Variants in NALF1 observed in about 807,000 individuals in gnomAD.
NALF1 encodes the protein family with sequence similarity 155 member A.
A neutral mutation model predicts 48.4 loss-of-function variants in NALF1; 3 were observed. The observed-to-expected ratio is 0.06, with a 90% CI of 0.03 to 0.16. The LOEUF is 0.16. Among genes scored for constraint, NALF1 ranks in the 10% least tolerant of loss-of-function variants. The pLI is 1.00. For synonymous variants in NALF1, 262 were observed against 245.7 expected, an observed-to-expected ratio of 1.07 and a Z score of -0.62; for missense variants, 526 against 571.5, an observed-to-expected ratio of 0.92 and a Z score of 0.81.
At chr13:107,594,709 T>C (rs1226416738) in intron 1 of NALF1, among the ~76,000 whole-genome samples, 2 of 152,076 alleles carry the variant, frequency 1.3e-5, no homozygotes, top group African/African-American at 2.4e-5. Context: ...AGTATTTGAG[T>C]GACCCAAAAT....
intron 1 of NALF1, among the ~76,000 whole-genome samples, chr13:107,697,052 A>AT (rs1328597585): frequency 1.3e-5 from 2 of 152,170 alleles, no homozygotes; most frequent in Non-Finnish European, 2.9e-5. Flanking sequence ...ATTACAAGGC[A>AT]TAAAAAAAAC....
chr13:107,785,449 T>C (rs571891069), intron 1 of NALF1, among the ~76,000 whole-genome samples: 1 of 152,266 alleles, frequency 6.6e-6, no homozygotes, highest in South Asian at 2.1e-4. Flanking sequence ...GTAACTCAGG[T>C]ATGGAAAGCC....
chr13:107,302,284 T>C (rs1881852814), intron 1 of NALF1, among the ~76,000 whole-genome samples: 2 of 152,156 alleles, frequency 1.3e-5, no homozygotes, highest in Admixed American at 6.5e-5. Context: ...CTGTAAGAAA[T>C]CAATTCCTTT....
At chr13:107,222,319 T>C (rs1290123342) in intron 1 of NALF1, among the ~76,000 whole-genome samples, 1 of 152,344 alleles carries the variant, frequency 6.6e-6, no homozygotes, top group Non-Finnish European at 1.5e-5. Flanking sequence ...CTAACTTGTA[T>C]ATGTTTTAAT....
intron 1 of NALF1, among the ~76,000 whole-genome samples, chr13:107,297,211 G>A (rs1289436244): frequency 6.6e-6 from 1 of 152,016 alleles, no homozygotes; most frequent in Non-Finnish European, 1.5e-5. Context: ...CTAAATGGTA[G>A]GCTCTGTGGG....
chr13:107,795,907 A>AT (rs934481671), intron 1 of NALF1, among the ~76,000 whole-genome samples: 47 of 152,218 alleles, frequency 3.1e-4, no homozygotes, highest in African/African-American at 6.0e-4. Context: ...TTAAACATAC[A>AT]TTTTTTCTTT....
At chr13:107,661,356 C>T (rs1352500477) in intron 1 of NALF1, among the ~76,000 whole-genome samples, 1 of 152,182 alleles carries the variant, frequency 6.6e-6, no homozygotes, top group African/African-American at 2.4e-5. Context: ...ATCTATAAAG[C>T]ATATGCCTTA....
chr13:107,801,546 C>G (rs1256637393), intron 1 of NALF1, among the ~76,000 whole-genome samples: 2 of 152,088 alleles, frequency 1.3e-5, no homozygotes, highest in Non-Finnish European at 2.9e-5. Flanking sequence ...TTTGGTAGAG[C>G]CTTGGCAGCT....
intron 1 of NALF1, among the ~76,000 whole-genome samples, chr13:107,259,070 G>A (rs886777785): frequency 1.3e-5 from 2 of 151,948 alleles, no homozygotes; most frequent in Admixed American, 1.3e-4. Context: ...ACATTTCCAC[G>A]ATTACATCTC....
rs559505314 is a variant in NALF1 at position 107,264,586 on chromosome 13, T to C, written c.916-53831A>G. On this transcript the variant is annotated intron_variant, in intron 1 of 2. Coordinates refer to ENST00000375915, the MANE Select transcript of NALF1 (RefSeq NM_001080396.3). ...AGGAAAAAAAAGGAACAAAGTGCCC[T>C]TTGCAGCAACCTTCACCGCAACCCA... Among the ~76,000 whole-genome samples the C allele has an allele frequency of 7.2e-5, 11 of 152,332 alleles. No homozygotes were observed. The South Asian group carries it at 2.3e-3, about 32-fold the overall frequency.
At chr13:107,195,195 G>A (rs563055822) in intron 2 of NALF1, among the ~76,000 whole-genome samples, 11 of 152,130 alleles carry the variant, frequency 7.2e-5, no homozygotes, top group Middle Eastern at 3.4e-3. Flanking sequence ...CTCAAGTGAC[G>A]GGTGCAGTAA....
At chr13:107,859,680 A>G (rs1024987554) in intron 1 of NALF1, among the ~76,000 whole-genome samples, 1 of 152,096 alleles carries the variant, frequency 6.6e-6, no homozygotes, top group African/African-American at 2.4e-5. Flanking sequence ...AGGTGGGTGG[A>G]TCATTTGAGG....
At chr13:107,232,659 A>G (rs559300814) in intron 1 of NALF1, among the ~76,000 whole-genome samples, 1 of 152,280 alleles carries the variant, frequency 6.6e-6, no homozygotes, top group Admixed American at 6.5e-5. Context: ...TTCATCGGTG[A>G]TCTAGGCTGA....
At chr13:107,470,425 A>C (rs932563127) in intron 1 of NALF1, among the ~76,000 whole-genome samples, 6 of 152,238 alleles carry the variant, frequency 3.9e-5, no homozygotes, top group Non-Finnish European at 5.9e-5. Context: ...ACAGTCAGAC[A>C]CATTTGTTCA....
intron 1 of NALF1, among the ~76,000 whole-genome samples, chr13:107,325,853 C>CATATATATATATATAT (rs1385871427): frequency 4.0e-5 from 2 of 50,000 alleles, no homozygotes; most frequent in Non-Finnish European, 8.0e-5. Flanking sequence ...CACACACACA[C>CATATATATATATATAT]ACATATATAT....
chr13:107,812,156 T>C (rs1319460485), intron 1 of NALF1, among the ~76,000 whole-genome samples: 1 of 152,138 alleles, frequency 6.6e-6, no homozygotes, highest in Non-Finnish European at 1.5e-5. Context: ...TAAAGCTTCA[T>C]TCATTTCACC....
chr13:107,481,735 T>C (rs534292734), intron 1 of NALF1, among the ~76,000 whole-genome samples: 20 of 152,138 alleles, frequency 1.3e-4, no homozygotes, highest in African/African-American at 4.3e-4. Context: ...AGTGGGTGCA[T>C]CTAATTAACA....
At chr13:107,792,342 C>A (rs1878273983) in intron 1 of NALF1, among the ~76,000 whole-genome samples, 1 of 152,150 alleles carries the variant, frequency 6.6e-6, no homozygotes, top group South Asian at 2.1e-4. Context: ...TTCCTCAAGT[C>A]CATGCCACTT....
chr13:107,493,043 T>G (rs72652719), intron 1 of NALF1, among the ~76,000 whole-genome samples: 1 of 152,148 alleles, frequency 6.6e-6, no homozygotes, highest in Non-Finnish European at 1.5e-5. Flanking sequence ...ATCTTTAGAA[T>G]TGTTGGAAGT....
Sources: gnomAD v4.1 joint callset for allele counts (sites outside exome capture counted in the v4.1 genomes callset) on GRCh38, gnomAD v4.1.1 for gene constraint, MANE v1.5 for transcripts, NCBI Gene and HGNC (gene_info 2026-07-23, HGNC 2026-07-21) for gene names.